AOPEP: variants seen among roughly 807,000 people sequenced by gnomAD.
The protein encoded by AOPEP is aminopeptidase O.
A neutral mutation model predicts 98.1 loss-of-function variants in AOPEP; 77 were observed. The ratio of observed to expected loss-of-function variants is 0.78; its 90% CI spans 0.65 to 0.95. The LOEUF is 0.95. Among genes scored for constraint, AOPEP ranks in the 40% least tolerant of loss-of-function variants. The pLI is 0.00. For missense variants in AOPEP, 1,024 were observed against 1,024.7 expected (o/e 1.00, Z 0.01); for synonymous variants, 346 against 365.3 (o/e 0.95, Z 0.60).
chr9:94,766,494 G>T (rs12685623), intron 2 of AOPEP, among the ~76,000 whole-genome samples: 2 of 152,296 alleles, frequency 1.3e-5, no homozygotes, highest in Admixed American at 6.5e-5. Context: ...CTGAGATCGC[G>T]CCACTGCACT....
intron 14 of AOPEP, among the ~76,000 whole-genome samples, chr9:95,063,133 G>A (rs958600308): frequency 6.6e-6 from 1 of 152,184 alleles, no homozygotes; most frequent in Non-Finnish European, 1.5e-5. Context: ...ATGAGCCGAA[G>A]GGAAATCCGT....
chr9:95,073,546 C>T lies in AOPEP; in HGVS notation c.2233-7148C>T, dbSNP rs538545872. ...CCGCCTGTAATCCCAGAAGGCTGGG[C>T]GCAGTGGCTCACACCTGTAATCCCA... On this transcript the variant is annotated intron_variant, in intron 14 of 16. Transcript: ENST00000375315. Among the ~76,000 whole-genome samples the T allele has an allele frequency of 3.9e-5, 6 of 152,090 alleles. No homozygotes were observed. In the South Asian group the frequency reaches 1.0e-3, roughly 26 times the overall value.
At chr9:94,744,034 G>T (rs1833863708) in intron 1 of AOPEP, among the ~76,000 whole-genome samples, 1 of 152,128 alleles carries the variant, frequency 6.6e-6, no homozygotes, top group Non-Finnish European at 1.5e-5. Context: ...GAAGGTTACT[G>T]AATAACAAGG....
the AOPEP span, chr9:95,110,124 C>G: frequency 7.6e-5 from 33 of 434,116 alleles, no homozygotes; most frequent in Non-Finnish European, 1.0e-4. Context: ...ATCCAAAATC[C>G]TAGGCATCCC....
chr9:95,043,883 C>T (rs1337370523), intron 13 of AOPEP, among the ~76,000 whole-genome samples: 1 of 152,166 alleles, frequency 6.6e-6, no homozygotes, highest in Admixed American at 6.5e-5. Flanking sequence ...ATCTCAAACT[C>T]GTGGGCCCAC....
At chr9:95,000,936 GTTTC>G (rs1311900470) in intron 11 of AOPEP, among the ~76,000 whole-genome samples, 2 of 152,098 alleles carry the variant, frequency 1.3e-5, no homozygotes, top group East Asian at 3.9e-4. Context: ...AGATCTTTCG[GTTTC>G]TTTTAGTGGA....
intron 16 of AOPEP, among the ~76,000 whole-genome samples, chr9:95,083,714 T>C (rs1019893341): frequency 6.7e-6 from 1 of 149,942 alleles, no homozygotes; most frequent in Non-Finnish European, 1.5e-5. Context: ...ACAGAGCACA[T>C]GTGGCACACA....
At chr9:94,783,798 G>A (rs1014712343) in intron 3 of AOPEP, among the ~76,000 whole-genome samples, 1 of 152,016 alleles carries the variant, frequency 6.6e-6, no homozygotes, top group African/African-American at 2.4e-5. Flanking sequence ...ACATTGTTAG[G>A]CATCTTTAAT....
chr9:95,051,737 T>A (rs1319365395), intron 13 of AOPEP, among the ~76,000 whole-genome samples: 1 of 151,440 alleles, frequency 6.6e-6, no homozygotes, highest in Non-Finnish European at 1.5e-5. Context: ...GGAGTCTCAC[T>A]CTTTTGCCCA....
the AOPEP span, chr9:95,101,035 C>T: frequency 8.5e-6 from 2 of 234,200 alleles, no homozygotes; most frequent in African/African-American, 4.4e-5. Flanking sequence ...ACATCCTCTA[C>T]CTTCGCCTGC....
intron 3 of AOPEP, among the ~76,000 whole-genome samples, chr9:94,783,133 C>T (rs531736927): frequency 1.2e-4 from 19 of 152,096 alleles, no homozygotes; most frequent in African/African-American, 4.3e-4. Flanking sequence ...TCAGAGTGGC[C>T]GGTGAGACTT....
intron 5 of AOPEP, among the ~76,000 whole-genome samples, chr9:94,911,513 T>C (rs2052031209): frequency 6.6e-6 from 1 of 152,190 alleles, no homozygotes; most frequent in Non-Finnish European, 1.5e-5. Flanking sequence ...GGCATGTTTT[T>C]CACAGCGTCT....
chr9:94,959,108 G>A (rs376108716), intron 9 of AOPEP, among the ~76,000 whole-genome samples: 4,185 of 151,738 alleles, frequency 0.028, 207 homozygotes, highest in African/African-American at 0.096. Flanking sequence ...CAGTGGCGCG[G>A]TCTCGGCTCA....
chr9:94,826,335 G>A (rs955197436), intron 5 of AOPEP, among the ~76,000 whole-genome samples: 2 of 152,112 alleles, frequency 1.3e-5, no homozygotes, highest in African/African-American at 4.8e-5. Flanking sequence ...CCTCTTCCCC[G>A]CAGCCCTGTC....
At chr9:94,869,971 A>ATTTTTTT (rs10556167) in intron 5 of AOPEP, among the ~76,000 whole-genome samples, 5 of 93,570 alleles carry the variant, frequency 5.3e-5, no homozygotes, top group East Asian at 3.1e-4. Context: ...GAAGCCATGA[A>ATTTTTTT]TTTTTTTTTT....
rs766995447 is a variant in AOPEP, at chr9:94,801,016, T to C, written c.1364+14T>C. 21 of 1,613,316 alleles carry C rather than the reference T, an allele frequency of 1.3e-5. No individual in the cohort carries two copies. In the Admixed American group the frequency reaches 2.5e-4, roughly 19 times the overall value. ...GGGGATGGCCAGGTATGTTGTTCCA[T>C]TGTGGCACTTGGGGTACATACATTT... On this transcript the variant is annotated intron_variant, in intron 5 of 16. Coordinates refer to ENST00000375315, the MANE Select transcript of AOPEP (RefSeq NM_001193329.3).
intron 7 of AOPEP, among the ~76,000 whole-genome samples, chr9:94,947,573 A>G (rs562058835): frequency 7.2e-5 from 11 of 152,298 alleles, no homozygotes; most frequent in African/African-American, 2.2e-4. Context: ...AGTATAATAC[A>G]CCTTGTCATG....
chr9:95,001,855 G>A lies in AOPEP; in HGVS notation c.1978-3303G>A, dbSNP rs530607044. Among the ~76,000 whole-genome samples, 7 of 152,000 alleles carry A rather than the reference G, an allele frequency of 4.6e-5. No individual in the cohort carries two copies. In the South Asian group the frequency reaches 6.2e-4, roughly 14 times the overall value. On this transcript the variant is annotated intron_variant, in intron 11 of 16. Coordinates refer to ENST00000375315, the MANE Select transcript of AOPEP (RefSeq NM_001193329.3). The stretch of plus-strand genomic sequence containing the variant: ...TGCAGTGGTGCCATCATGGCTCACC[G>A]TAGCCTCTGCCTCCCGGGCTCAAGT...
chr9:95,075,485 C>T (rs2068951140), intron 14 of AOPEP, among the ~76,000 whole-genome samples: 1 of 152,114 alleles, frequency 6.6e-6, no homozygotes, highest in African/African-American at 2.4e-5. Context: ...TTTCCTAGTA[C>T]TCAAAAACAC....
Sources: allele counts gnomAD v4.1 joint callset (sites outside exome capture counted in the v4.1 genomes callset), GRCh38; gene constraint gnomAD v4.1.1; transcripts MANE v1.5; gene names NCBI Gene and HGNC (gene_info 2026-07-23, HGNC 2026-07-21).